The following PCBP2 variants were observed in gnomAD, a reference collection of about 807,000 sequenced individuals.
PCBP2 encodes poly(rC) binding protein 2.
In PCBP2, 4 loss-of-function variants were observed where a neutral mutation model predicts 50.1. That is an observed-to-expected ratio of 0.08 (90% CI 0.04 to 0.18). The LOEUF (loss-of-function observed/expected upper bound fraction) is 0.18. PCBP2 is among the 10% of genes least tolerant of loss of function. The probability of loss-of-function intolerance (pLI) is 1.00; values close to 1 mark genes in which losing one functional copy is unlikely to be tolerated. For synonymous variants in PCBP2, 179 were observed against 168.0 expected (o/e 1.07, Z -0.51); for missense variants, 161 against 474.3 (o/e 0.34, Z 6.14).
Position 53,455,809 on chromosome 12 carries a change from T to C in PCBP2, c.127-76T>C, listed in dbSNP as rs929111928. The C allele has an allele frequency of 9.2e-6, 9 of 982,480 alleles. No homozygotes were observed. In the African/African-American group the frequency reaches 1.4e-4, roughly 16 times the overall value. 60.9% of individuals were successfully genotyped at this position (982,480 alleles called of 1,614,324 possible). A position where few individuals can be genotyped will look rare whatever the true frequency, so the allele number is the denominator to read the frequency against. ...TCAGGATCATGTACATTGGCAGTCT[T>C]ATAAGGGACTGTAGATCCTGTACAT... On this transcript the variant is annotated intron_variant, in intron 4 of 14. Transcript: ENST00000546463.
Position 53,461,125 on chromosome 12 carries a change from C to G in PCBP2, c.486C>G (p.Ile162Met), listed in dbSNP as rs150633461. 2 of 1,613,842 alleles carry G rather than the reference C, an allele frequency of 1.2e-6. No homozygotes were observed. The highest frequency in any genetic ancestry group is 1.7e-5 in the Admixed American group (1 of 59,982). Residue 162 changes from isoleucine (I) to methionine (M), a missense_variant, in exon 7 of 15, where the codon ATC becomes ATG. This residue lies in a region of PCBP2 where 20 missense variants were observed against 43.1 expected (regional missense o/e 0.46). Coordinates refer to ENST00000546463, the MANE Select transcript of PCBP2 (RefSeq NM_031989.5). ...CCATCATTGAGTGTGTCAAACAGATCTGCGTGGTCATGTTGGAGGTAAGCC... is the reference window on the plus strand; with the variant it reads ...CCATCATTGAGTGTGTCAAACAGATGTGCGTGGTCATGTTGGAGGTAAGCC... ...PQSIIECVKQICVVMLESPPK... is the reference protein window; with the variant it reads ...PQSIIECVKQMCVVMLESPPK...
At chr12:53,460,454 C>A in intron 6 of PCBP2, 1 of 271,274 alleles carries the variant, frequency 3.7e-6, no homozygotes, top group South Asian at 2.9e-5. Context: ...CCCCTACTTC[C>A]TGTTTAACTA....
intron 10 of PCBP2, 33 bp from the exon 11 acceptor site, chr12:53,467,188 T>C: frequency 6.3e-7 from 1 of 1,577,942 alleles, no homozygotes; most frequent in Non-Finnish European, 8.7e-7. Flanking sequence ...CTGTTAAATC[T>C]TCTAATGCCA....
At chr12:53,457,087 C>T (rs969682705) in intron 5 of PCBP2, among the ~76,000 whole-genome samples, 7 of 152,060 alleles carry the variant, frequency 4.6e-5, no homozygotes, top group Admixed American at 3.9e-4. Context: ...GGGTTGTGCT[C>T]TGTCACCCAG....
chr12:53,471,887 T>A (rs145030767), intron 14 of PCBP2, 80 bp downstream of exon 14: 2 of 1,221,814 alleles, frequency 1.6e-6, no homozygotes, highest in Admixed American at 5.2e-5. Flanking sequence ...GTATTAAATA[T>A]GGGATTACAT....
chr12:53,454,132 C>T (rs887777836), intron 1 of PCBP2, among the ~76,000 whole-genome samples: 3 of 152,130 alleles, frequency 2.0e-5, no homozygotes, highest in African/African-American at 4.8e-5. Flanking sequence ...CCCCAGCCTG[C>T]GTGGAAGGCA....
chr12:53,477,682 A>AAC (rs1942707434), intron 14 of PCBP2, among the ~76,000 whole-genome samples: 1 of 150,394 alleles, frequency 6.6e-6, no homozygotes, highest in Non-Finnish European at 1.5e-5. Flanking sequence ...AAAAAAAAAA[A>AAC]AAAAAAAAAA....
At chr12:53,475,198 A>G (rs1338320224) in intron 14 of PCBP2, 7 of 456,386 alleles carry the variant, frequency 1.5e-5, no homozygotes, top group Non-Finnish European at 3.1e-5. Context: ...GGCGAGAAAC[A>G]GAGATTCTCT....
rs1262968705 is a variant in PCBP2, at chr12:53,462,561, T to C, written c.573T>C (p.Gly191=). The C allele has an allele frequency of 6.2e-7, 1 of 1,612,640 alleles. No individual in the cohort carries two copies. The part of the protein sequence containing the change: ...KPSSSPVIFA[G]GQDRYSTGSD... The stretch of plus-strand genomic sequence containing the variant: ...CCAGCTCTCCGGTCATCTTTGCAGG[T>C]GGTCAGGTAAGAAAATTCTCATTTG... The change falls in exon 8 of 15, where the codon GGT becomes GGC. Residue 191 remains glycine, a synonymous_variant. Coordinates refer to ENST00000546463, the MANE Select transcript of PCBP2 (RefSeq NM_031989.5).
intron 14 of PCBP2, chr12:53,475,871 C>T (rs544099743): frequency 5.3e-5 from 8 of 152,286 alleles, no homozygotes; most frequent in African/African-American, 1.9e-4. Flanking sequence ...GGAAGTTTAT[C>T]TGACTTCTCA....
At chr12:53,464,672 T>C in intron 8 of PCBP2, 88 bp from the exon 9 acceptor site, 1 of 1,527,588 alleles carries the variant, frequency 6.5e-7, no homozygotes, top group Non-Finnish European at 8.8e-7. Flanking sequence ...AGGAAAAAAA[T>C]AAACAACTTT....
chr12:53,455,613 C>T, intron 4 of PCBP2, 120 bp downstream of exon 4: 1 of 1,098,056 alleles, frequency 9.1e-7, no homozygotes, highest in Admixed American at 2.1e-5. Context: ...TTTTTTTCGG[C>T]TTGGTTATTT....
In PCBP2 at chr12:53,464,782, A is replaced by G. The variant is rs1941701744; in HGVS notation, c.602A>G (p.Asp201Gly). 1 of 1,612,236 alleles carries G rather than the reference A, an allele frequency of 6.2e-7. No individual in the cohort carries two copies. Among genetic ancestry groups the G allele is most frequent in the Non-Finnish European group, 8.5e-7 (1 of 1,179,234 alleles). ...GGQDRYSTGS[D>G]SASFPHTTPS... ...CAGGACAGGTACAGCACAGGCAGCGACAGTGCGAGCTTTCCCCACACCACC... is the reference window on the plus strand; with the variant it reads ...CAGGACAGGTACAGCACAGGCAGCGGCAGTGCGAGCTTTCCCCACACCACC... Residue 201 changes from aspartate to glycine, a missense_variant, in exon 9 of 15, where the codon GAC becomes GGC. Around this residue, in one of 7 missense-constraint regions of PCBP2, gnomAD observed 35 missense variants for 45.5 expected, o/e 0.77. Transcript: ENST00000546463.
intron 5 of PCBP2, among the ~76,000 whole-genome samples, chr12:53,458,286 C>G (rs1565858808): frequency 1.4e-5 from 2 of 143,620 alleles, no homozygotes; most frequent in Non-Finnish European, 3.1e-5. Flanking sequence ...TGTTTTATAT[C>G]TTTCGTTTTT....
intron 14 of PCBP2, 125 bp from the exon 15 acceptor site, chr12:53,479,281 C>A (rs1426881466): frequency 2.5e-6 from 2 of 815,264 alleles, no homozygotes; most frequent in East Asian, 2.6e-5. Context: ...ATTTAAGAAA[C>A]CTTAAAATGT....
intron 1 of PCBP2, 97 bp downstream of exon 1, chr12:53,452,473 T>C (rs1466563476): frequency 1.3e-5 from 2 of 151,024 alleles, no homozygotes; most frequent in Non-Finnish European, 3.0e-5. Context: ...CGAGCCGCGG[T>C]CTCGCGTAGT....
At chr12:53,477,761 C>T (rs1169386574) in intron 14 of PCBP2, among the ~76,000 whole-genome samples, 2 of 147,294 alleles carry the variant, frequency 1.4e-5, no homozygotes, top group East Asian at 2.0e-4. Flanking sequence ...AGTTTGTAGT[C>T]GAAGGACTTT....
chr12:53,457,426 G>A (rs536586963), intron 5 of PCBP2, among the ~76,000 whole-genome samples: 1 of 152,040 alleles, frequency 6.6e-6, no homozygotes, highest in South Asian at 2.1e-4. Context: ...GTACAGTTGT[G>A]TTACCATGGC....
chr12:53,453,771 C>CA lies in PCBP2; in HGVS notation c.-75-948dup, dbSNP rs1940763365. On this transcript the variant is annotated intron_variant, in intron 1 of 14. Transcript: ENST00000546463. ...GAGGTATTGAAGGCAAAGGCATATC[C>CA]AAAAAAACAAATTTTCTTTCTACAC... Among the ~76,000 whole-genome samples the CA allele has an allele frequency of 4.0e-5, 6 of 151,828 alleles. No individual in the cohort carries two copies. The South Asian group carries it at 8.3e-4, about 21-fold the overall frequency.
Sources: allele counts gnomAD v4.1 joint callset (sites outside exome capture counted in the v4.1 genomes callset), GRCh38; gene constraint gnomAD v4.1.1; regional missense constraint gnomAD v4.1.1; transcripts MANE v1.5; gene names NCBI Gene and HGNC (gene_info 2026-07-23, HGNC 2026-07-21).